The following CHN2 variants were observed in gnomAD, a reference collection of about 807,000 sequenced individuals.
CHN2 encodes chimerin 2, also known as beta-chimaerin.
Under a neutral mutation model 56.3 loss-of-function variants are expected in CHN2, and 35 were observed. The ratio of observed to expected loss-of-function variants is 0.62; its 90% CI spans 0.47 to 0.82. The LOEUF is 0.82. Ranked by LOEUF, CHN2 falls within the 40% of genes least tolerant of loss-of-function variation. The pLI, the probability that CHN2 is intolerant of heterozygous loss-of-function variation, is 0.00. For missense variants in CHN2, 491 were observed against 580.5 expected (o/e 0.85, Z 1.58); for synonymous variants, 210 against 212.8 (o/e 0.99, Z 0.12).
At chr7:29,402,002 A>G (rs527370396) in intron 6 of CHN2, among the ~76,000 whole-genome samples, 362 of 150,634 alleles carry the variant, frequency 2.4e-3, no homozygotes, top group African/African-American at 8.7e-3. Context: ...ACAGATAGAA[A>G]TAAGCGGATA....
intron 2 of CHN2, chr7:29,147,181 G>A (rs889874987): frequency 1.7e-6 from 1 of 603,526 alleles, no homozygotes; most frequent in Non-Finnish European, 2.8e-6. Context: ...GAGCCAGACA[G>A]TACGGGAGCA....
At chr7:29,247,942 AC>A in intron 1 of CHN2, among the ~76,000 whole-genome samples, 1 of 152,304 alleles carries the variant, frequency 6.6e-6, no homozygotes, top group East Asian at 1.9e-4. Context: ...TGCATGTGAA[AC>A]CATGTGCTTT....
intron 2 of CHN2, among the ~76,000 whole-genome samples, chr7:29,360,456 G>A (rs940456151): frequency 1.3e-5 from 2 of 152,184 alleles, no homozygotes; most frequent in South Asian, 4.1e-4. Flanking sequence ...GGAGGCAGAG[G>A]TTGTGGTTAG....
At chr7:29,175,564 C>G (rs1272668186) in intron 2 of CHN2, among the ~76,000 whole-genome samples, 2 of 152,120 alleles carry the variant, frequency 1.3e-5, no homozygotes, top group Non-Finnish European at 2.9e-5. Context: ...CCTTGCTCTT[C>G]CACCATGATT....
At chr7:29,463,455 C>T (rs1363751695) in intron 6 of CHN2, among the ~76,000 whole-genome samples, 3 of 152,104 alleles carry the variant, frequency 2.0e-5, no homozygotes, top group Non-Finnish European at 2.9e-5. Context: ...CACTCTTTCT[C>T]CTTAGGGTCT....
intron 1 of CHN2, among the ~76,000 whole-genome samples, chr7:29,301,803 C>T (rs1250086140): frequency 6.6e-6 from 1 of 152,184 alleles, no homozygotes; most frequent in Non-Finnish European, 1.5e-5. Flanking sequence ...ATTTCCTCCC[C>T]CTTTCTCTTC....
chr7:29,469,549 C>T (rs1200038096), intron 6 of CHN2, among the ~76,000 whole-genome samples: 2 of 152,174 alleles, frequency 1.3e-5, no homozygotes, highest in East Asian at 1.9e-4. Flanking sequence ...ATGCTTGCTC[C>T]TATTTCATGG....
intron 1 of CHN2, among the ~76,000 whole-genome samples, chr7:29,353,844 C>T (rs937794228): frequency 1.6e-4 from 24 of 152,080 alleles, no homozygotes; most frequent in African/African-American, 5.1e-4. Context: ...TGAGTTAGAC[C>T]GTGTTTTCCC....
chr7:29,417,561 T>C (rs1803901173), intron 6 of CHN2, among the ~76,000 whole-genome samples: 1 of 152,106 alleles, frequency 6.6e-6, no homozygotes, highest in South Asian at 2.1e-4. Flanking sequence ...TAGAGAAAGA[T>C]CCATTAGGCA....
At chr7:29,231,744 G>A (rs1786727612) in intron 1 of CHN2, among the ~76,000 whole-genome samples, 2 of 152,180 alleles carry the variant, frequency 1.3e-5, no homozygotes, top group Non-Finnish European at 1.5e-5. Context: ...TGGTTACAGT[G>A]TATAAGGGAA....
At chr7:29,342,826 C>T (rs1043838247) in intron 1 of CHN2, among the ~76,000 whole-genome samples, 3 of 152,182 alleles carry the variant, frequency 2.0e-5, no homozygotes, top group African/African-American at 7.2e-5. Context: ...GTACATGTGG[C>T]CAGGGGCCGG....
At chr7:29,248,006 A>G (rs1452010858) in intron 1 of CHN2, among the ~76,000 whole-genome samples, 2 of 152,242 alleles carry the variant, frequency 1.3e-5, no homozygotes, top group African/African-American at 2.4e-5. Flanking sequence ...CCATGTCTGT[A>G]AGAGCAGAGC....
intron 3 of CHN2, 72 bp downstream of exon 3, chr7:29,368,059 G>T (rs1799312195): frequency 7.8e-7 from 1 of 1,280,092 alleles, no homozygotes; most frequent in South Asian, 1.8e-5. Context: ...GAGAGTGGAG[G>T]GATTTCAGGT....
chr7:29,301,526 T>C (rs900824656), intron 1 of CHN2, among the ~76,000 whole-genome samples: 3 of 152,144 alleles, frequency 2.0e-5, no homozygotes, highest in African/African-American at 7.2e-5. Context: ...ATGCCTCTTA[T>C]CCTTTTCTGA....
At chr7:29,410,944 C>T (rs1162663691) in intron 6 of CHN2, among the ~76,000 whole-genome samples, 3 of 152,202 alleles carry the variant, frequency 2.0e-5, no homozygotes, top group Non-Finnish European at 2.9e-5. Context: ...TCCTCCCTTA[C>T]TCCCTAGCCA....
At chr7:29,153,945 T>C (rs1336256879) in intron 2 of CHN2, among the ~76,000 whole-genome samples, 1 of 152,132 alleles carries the variant, frequency 6.6e-6, no homozygotes, top group East Asian at 1.9e-4. Context: ...ATAATATGTA[T>C]AAAATACAAA....
rs1303471386 is a variant in CHN2, at chr7:29,512,908, G to A, written c.*173G>A. On this transcript the variant is annotated 3_prime_UTR_variant, in exon 13 of 13. Coordinates refer to ENST00000222792, the MANE Select transcript of CHN2 (RefSeq NM_004067.4). ...TCTCATAGACATGCGCCACCTCCAC[G>A]TGAGAACAAGGGTGAAGGTGAGGGA... The A allele has an allele frequency of 1.1e-5, 7 of 622,166 alleles. No individual in the cohort carries two copies. The highest frequency in any genetic ancestry group is 1.6e-5 in the Non-Finnish European group (6 of 374,414). 38.5% of individuals were successfully genotyped at this position (622,166 alleles called of 1,614,324 possible). A position where few individuals can be genotyped will look rare whatever the true frequency, so the allele number is the denominator to read the frequency against.
chr7:29,403,995 G>A (rs1239999047), intron 6 of CHN2, among the ~76,000 whole-genome samples: 6 of 152,140 alleles, frequency 3.9e-5, no homozygotes, highest in African/African-American at 9.7e-5. Context: ...TGCCAGGTCC[G>A]TAGGGCAGGA....
At chr7:29,201,230 C>T (rs947743613) in intron 1 of CHN2, among the ~76,000 whole-genome samples, 6 of 152,142 alleles carry the variant, frequency 3.9e-5, no homozygotes, top group Admixed American at 3.3e-4. Flanking sequence ...CAGATTCCAA[C>T]ATTGTATAAG....
Sources: gnomAD v4.1 joint callset for allele counts (sites outside exome capture counted in the v4.1 genomes callset) on GRCh38, gnomAD v4.1.1 for gene constraint, MANE v1.5 for transcripts, NCBI Gene and HGNC (gene_info 2026-07-23, HGNC 2026-07-21) for gene names.